Variants in PALLD observed in about 807,000 individuals in gnomAD.
The protein encoded by PALLD is palladin.
PALLD carries 61 observed loss-of-function variants against 123.5 expected under a neutral mutation model. That is an observed-to-expected ratio of 0.49 (90% confidence interval 0.40 to 0.61). The LOEUF (loss-of-function observed/expected upper bound fraction) is 0.61. Among genes scored for constraint, PALLD ranks in the 20% least tolerant of loss-of-function variants. PALLD has a pLI of 0.00. For missense variants in PALLD, 1,273 were observed against 1,377.0 expected (o/e 0.92, Z 1.20); for synonymous variants, 465 against 496.4 (o/e 0.94, Z 0.84).
Position 168,708,694 on chromosome 4 carries a change from C to A in PALLD, c.1502-334C>A, listed in dbSNP as rs565129508. Among the ~76,000 whole-genome samples the A allele has an allele frequency of 4.9e-4, 75 of 152,170 alleles. 1 individual carries two copies. In the South Asian group the frequency reaches 0.01, roughly 21 times the overall value. On this transcript the variant is annotated intron_variant, in intron 8 of 21. Transcript: ENST00000505667. ...ACTCTGACATGCAATCAGCTTAACT[C>A]CTACATGCAAAATACAGAGCTGCAC...
chr4:168,685,316 T>C (rs558241693), intron 5 of PALLD, among the ~76,000 whole-genome samples, 169 bp from the exon 6 acceptor site: 1 of 152,316 alleles, frequency 6.6e-6, no homozygotes, highest in African/African-American at 2.4e-5. Context: ...AATGAGGAAG[T>C]GGAACAATGT....
intron 2 of PALLD, among the ~76,000 whole-genome samples, chr4:168,649,836 C>G (rs1290787739): frequency 6.6e-6 from 1 of 152,144 alleles, no homozygotes; most frequent in Non-Finnish European, 1.5e-5. Flanking sequence ...ATTCTAATAT[C>G]ATTTTGTTTT....
At chr4:168,548,565 A>G (rs1766409902) in intron 2 of PALLD, among the ~76,000 whole-genome samples, 1 of 152,186 alleles carries the variant, frequency 6.6e-6, no homozygotes, top group African/African-American at 2.4e-5. Context: ...GAGAGATGAG[A>G]GAGTCTGGCG....
chr4:168,615,175 A>G (rs1774105476), intron 2 of PALLD, among the ~76,000 whole-genome samples: 1 of 151,314 alleles, frequency 6.6e-6, no homozygotes, highest in African/African-American at 2.4e-5. Context: ...AAAAAAAAAA[A>G]CTTTATAAAG....
chr4:168,821,899 A>G (rs1742774989), intron 10 of PALLD, among the ~76,000 whole-genome samples: 1 of 151,810 alleles, frequency 6.6e-6, no homozygotes, highest in South Asian at 2.1e-4. Flanking sequence ...AAAAAAAAAA[A>G]AAGTTTTAGT....
intron 6 of PALLD, among the ~76,000 whole-genome samples, chr4:168,689,016 G>C (rs556562923): frequency 6.6e-6 from 1 of 152,282 alleles, no homozygotes; most frequent in East Asian, 1.9e-4. Context: ...AGAAAAATAT[G>C]ATTTAAAACC....
chr4:168,926,108 C>T (rs1032176469), intron 21 of PALLD, 105 bp from the exon 22 acceptor site: 8 of 917,202 alleles, frequency 8.7e-6, no homozygotes, highest in Non-Finnish European at 1.1e-5. Context: ...TGGATGTGTT[C>T]AGGTGCCTTG....
intron 2 of PALLD, among the ~76,000 whole-genome samples, chr4:168,528,888 T>C (rs193106448): frequency 6.6e-6 from 1 of 152,134 alleles, no homozygotes; most frequent in South Asian, 2.1e-4. Context: ...ATGAGTAAAC[T>C]CTAATGAGAA....
At chr4:168,722,161 C>T (rs552579809) in intron 10 of PALLD, among the ~76,000 whole-genome samples, 17 of 152,270 alleles carry the variant, frequency 1.1e-4, no homozygotes, top group African/African-American at 2.2e-4. Flanking sequence ...CCTCCTGCCT[C>T]AGCCTCCCAA....
intron 10 of PALLD, among the ~76,000 whole-genome samples, chr4:168,876,345 GA>G (rs1275092332): frequency 1.3e-5 from 2 of 152,218 alleles, no homozygotes; most frequent in Non-Finnish European, 2.9e-5. Flanking sequence ...CAGACATCTG[GA>G]ACTTCAGGGC....
chr4:168,901,819 C>T (rs1426388551), intron 14 of PALLD, among the ~76,000 whole-genome samples: 1 of 152,178 alleles, frequency 6.6e-6, no homozygotes, highest in Non-Finnish European at 1.5e-5. Flanking sequence ...GATCACACCA[C>T]TGCACTCTCT....
intron 2 of PALLD, among the ~76,000 whole-genome samples, chr4:168,650,395 A>G (rs1034934553): frequency 3.3e-5 from 5 of 152,204 alleles, no homozygotes; most frequent in African/African-American, 1.2e-4. Flanking sequence ...TTAGTCTACG[A>G]TGTGTTGTTG....
chr4:168,617,394 G>A (rs1774332244), intron 2 of PALLD, among the ~76,000 whole-genome samples: 3 of 152,156 alleles, frequency 2.0e-5, no homozygotes, highest in African/African-American at 7.2e-5. Flanking sequence ...CTGATAAGCT[G>A]ATTTCTTATA....
chr4:168,878,770 G>C (rs943681679), intron 10 of PALLD, among the ~76,000 whole-genome samples: 1 of 151,606 alleles, frequency 6.6e-6, no homozygotes, highest in Non-Finnish European at 1.5e-5. Flanking sequence ...ATTCCTAAGA[G>C]GTAGCATTGC....
chr4:168,698,563 C>A (rs1783377894), intron 8 of PALLD, among the ~76,000 whole-genome samples: 1 of 151,986 alleles, frequency 6.6e-6, no homozygotes, highest in African/African-American at 2.4e-5. Flanking sequence ...GATACCATCT[C>A]CAGCAACAAC....
intron 10 of PALLD, among the ~76,000 whole-genome samples, chr4:168,874,269 T>A (rs1399906964): frequency 6.6e-6 from 1 of 152,152 alleles, no homozygotes; most frequent in East Asian, 1.9e-4. Context: ...TGGGACAGTG[T>A]TTTTAGTGTG....
At chr4:168,503,435 G>C (rs1761636159) in intron 1 of PALLD, among the ~76,000 whole-genome samples, 1 of 152,110 alleles carries the variant, frequency 6.6e-6, no homozygotes, top group Non-Finnish European at 1.5e-5. Flanking sequence ...GGATGACAAG[G>C]TCAAGAGATC....
At chr4:168,686,769 A>G (rs1428236729) in intron 6 of PALLD, 1 of 152,228 alleles carries the variant, frequency 6.6e-6, no homozygotes, top group East Asian at 1.9e-4. Flanking sequence ...AACCTGATTC[A>G]AAAAGTTGTG....
chr4:168,764,664 G>A (rs1044255431), intron 10 of PALLD, among the ~76,000 whole-genome samples: 9 of 151,994 alleles, frequency 5.9e-5, no homozygotes, highest in African/African-American at 4.8e-5. Flanking sequence ...GTGTCCATGC[G>A]TTAGGCAAAA....
Sources: gnomAD v4.1 joint callset for allele counts (sites outside exome capture counted in the v4.1 genomes callset) on GRCh38, gnomAD v4.1.1 for gene constraint, MANE v1.5 for transcripts, NCBI Gene and HGNC (gene_info 2026-07-23, HGNC 2026-07-21) for gene names.